The following LYRM4 variants were observed in gnomAD, a reference collection of about 807,000 sequenced individuals.
LYRM4 encodes the protein LYR motif-containing protein 4.
A neutral mutation model predicts 11.7 loss-of-function variants in LYRM4; 9 were observed. The observed-to-expected ratio is 0.77, with a 90% CI of 0.46 to 1.34. The LOEUF (loss-of-function observed/expected upper bound fraction) is 1.34. Among genes scored for constraint, LYRM4 ranks in the 40% most tolerant of loss-of-function variants. The pLI is 0.00. For missense variants in LYRM4, 133 were observed against 112.5 expected, an observed-to-expected ratio of 1.18 and a Z score of -0.82; for synonymous variants, 42 against 40.4, an observed-to-expected ratio of 1.04 and a Z score of -0.15.
intron 1 of LYRM4, among the ~76,000 whole-genome samples, chr6:5,259,407 T>C (rs1764844831): frequency 6.6e-6 from 1 of 152,236 alleles, no homozygotes; most frequent in Admixed American, 6.5e-5. Flanking sequence ...TTAAGTAAAA[T>C]CATTCTCTCC....
chr6:5,085,714 C>G, the LYRM4 span: 1 of 1,546,386 alleles, frequency 6.5e-7, no homozygotes, highest in South Asian at 1.2e-5. Flanking sequence ...GCTGGAATGC[C>G]GCCGCCGCTG....
the LYRM4 span, among the ~76,000 whole-genome samples, chr6:5,080,905 C>A: frequency 6.6e-6 from 1 of 152,098 alleles, no homozygotes; most frequent in Non-Finnish European, 1.5e-5. Context: ...CAAACCACTG[C>A]AAATAGAGAA....
At chr6:5,155,069 G>A (rs1013930783) in intron 2 of LYRM4, among the ~76,000 whole-genome samples, 4 of 152,040 alleles carry the variant, frequency 2.6e-5, no homozygotes, top group African/African-American at 9.7e-5. Context: ...TGCCTACTGT[G>A]AGACGGATCT....
intron 1 of LYRM4, among the ~76,000 whole-genome samples, chr6:5,218,651 C>T (rs1446409587): frequency 2.0e-5 from 3 of 152,138 alleles, no homozygotes; most frequent in Non-Finnish European, 1.5e-5. Context: ...AGCTGCTGAG[C>T]GCTCAGTATC....
At chr6:5,066,448 C>T in the LYRM4 span, 2 of 757,206 alleles carry the variant, frequency 2.6e-6, no homozygotes, top group Non-Finnish European at 4.9e-6. Flanking sequence ...GGAACTGCTT[C>T]TATTCCCAAA....
At chr6:5,085,679 C>G in the LYRM4 span, 1 of 1,548,110 alleles carries the variant, frequency 6.5e-7, no homozygotes, top group Non-Finnish European at 8.7e-7. Flanking sequence ...AAGGAAGAGG[C>G]CGCCCCCCAG....
chr6:5,037,521 T>G, the LYRM4 span, among the ~76,000 whole-genome samples: 28 of 75,326 alleles, frequency 3.7e-4, no homozygotes, highest in Non-Finnish European at 9.7e-5. Context: ...AATGAGCCGC[T>G]GGGCACACCT....
intron 2 of LYRM4, among the ~76,000 whole-genome samples, chr6:5,143,884 G>T (rs1757550738): frequency 6.6e-6 from 1 of 152,220 alleles, no homozygotes; most frequent in African/African-American, 2.4e-5. Context: ...CACAGCTATT[G>T]TATAAGTGAT....
At chr6:5,093,683 T>C in the LYRM4 span, among the ~76,000 whole-genome samples, 4 of 152,238 alleles carry the variant, frequency 2.6e-5, no homozygotes, top group Admixed American at 1.3e-4. Context: ...TTTGGCCCCA[T>C]TCTCTGTAGG....
At chr6:5,254,239 C>T (rs1561905332) in intron 1 of LYRM4, among the ~76,000 whole-genome samples, 1 of 152,206 alleles carries the variant, frequency 6.6e-6, no homozygotes, top group Non-Finnish European at 1.5e-5. Context: ...ACGAATTGGC[C>T]TCATCCGCCA....
At chr6:5,056,906 A>G in the LYRM4 span, among the ~76,000 whole-genome samples, 4 of 152,196 alleles carry the variant, frequency 2.6e-5, no homozygotes, top group Non-Finnish European at 4.4e-5. Flanking sequence ...TCAAAACTCA[A>G]TCATCCTAGA....
At chr6:5,123,619 C>G (rs2127605144) in intron 2 of LYRM4, among the ~76,000 whole-genome samples, 1 of 152,344 alleles carries the variant, frequency 6.6e-6, no homozygotes, top group East Asian at 1.9e-4. Context: ...TAATAAACTG[C>G]CCTCCTCCCT....
intron 1 of LYRM4, among the ~76,000 whole-genome samples, chr6:5,234,476 A>T (rs1763422140): frequency 6.6e-6 from 1 of 152,238 alleles, no homozygotes; most frequent in Non-Finnish European, 1.5e-5. Flanking sequence ...TCTATTTTAT[A>T]ACAGGAGTAT....
chr6:5,162,845 A>G (rs893055591), intron 2 of LYRM4, among the ~76,000 whole-genome samples: 13 of 152,212 alleles, frequency 8.5e-5, no homozygotes, highest in Non-Finnish European at 1.2e-4. Flanking sequence ...CGAAAGGGAA[A>G]CTGATAACAA....
At chr6:5,052,063 A>G in the LYRM4 span, among the ~76,000 whole-genome samples, 3 of 152,172 alleles carry the variant, frequency 2.0e-5, no homozygotes, top group Non-Finnish European at 4.4e-5. Context: ...CAGGGATTGA[A>G]TTTCAACAAG....
chr6:5,243,168 C>T (rs1321557569), intron 1 of LYRM4, among the ~76,000 whole-genome samples: 1 of 152,212 alleles, frequency 6.6e-6, no homozygotes, highest in Non-Finnish European at 1.5e-5. Context: ...GTGTCTGCTC[C>T]ACCCACACTT....
At chr6:5,137,089 A>G (rs532512265) in intron 2 of LYRM4, among the ~76,000 whole-genome samples, 6 of 152,226 alleles carry the variant, frequency 3.9e-5, no homozygotes, top group East Asian at 1.9e-4. Context: ...AAATCACACA[A>G]TGCGTGACTT....
intron 2 of LYRM4, among the ~76,000 whole-genome samples, chr6:5,206,594 A>G (rs77227723): frequency 0.018 from 2,699 of 152,278 alleles, 72 homozygotes; most frequent in African/African-American, 0.061. Flanking sequence ...CCTAGAGGTG[A>G]GGACTTCATG....
chr6:5,165,634 C>CA (rs1759040763), intron 2 of LYRM4, among the ~76,000 whole-genome samples: 1 of 151,974 alleles, frequency 6.6e-6, no homozygotes, highest in African/African-American at 2.4e-5. Context: ...CCTCCACCTC[C>CA]CAGGTTCAAA....
Sources: gnomAD v4.1 joint callset for allele counts (sites outside exome capture counted in the v4.1 genomes callset) on GRCh38, gnomAD v4.1.1 for gene constraint, MANE v1.5 for transcripts, NCBI Gene and HGNC (gene_info 2026-07-23, HGNC 2026-07-21) for gene names.